Variants in ZNF804B observed in about 807,000 individuals in gnomAD.
ZNF804B encodes zinc finger protein 804B.
ZNF804B carries 80 observed loss-of-function variants against 101.4 expected under a neutral mutation model. The observed-to-expected ratio is 0.79, with a 90% CI of 0.66 to 0.95. The LOEUF (loss-of-function observed/expected upper bound fraction) is 0.95, where lower values mean the gene tolerates loss of function less well. ZNF804B is among the 40% of genes least tolerant of loss of function. The probability of loss-of-function intolerance (pLI) is 0.00; values close to 1 mark genes in which losing one functional copy is unlikely to be tolerated. For missense variants in ZNF804B, 1,673 were observed against 1,561.9 expected, an observed-to-expected ratio of 1.07 and a Z score of -1.20; for synonymous variants, 622 against 558.8, an observed-to-expected ratio of 1.11 and a Z score of -1.59.
At chr7:88,846,259 G>T (rs964536588) in intron 1 of ZNF804B, among the ~76,000 whole-genome samples, 1 of 152,044 alleles carries the variant, frequency 6.6e-6, no homozygotes. Flanking sequence ...AAAACCACCC[G>T]CAGAGTCACT....
chr7:89,130,131 A>G (rs1790526858), intron 1 of ZNF804B, among the ~76,000 whole-genome samples: 1 of 151,912 alleles, frequency 6.6e-6, no homozygotes, highest in Non-Finnish European at 1.5e-5. Context: ...AACAGAAAAG[A>G]CTACTGGAGT....
intron 1 of ZNF804B, among the ~76,000 whole-genome samples, chr7:89,045,149 C>T (rs1789085864): frequency 6.6e-6 from 1 of 152,224 alleles, no homozygotes; most frequent in South Asian, 2.1e-4. Flanking sequence ...AGGGTGCAAG[C>T]CCCAAGCCTT....
chr7:88,786,907 G>A (rs1040641611), intron 1 of ZNF804B, among the ~76,000 whole-genome samples: 12 of 151,984 alleles, frequency 7.9e-5, no homozygotes, highest in African/African-American at 2.9e-4. Context: ...ATGAAAAAAG[G>A]CCATGGCAAT....
intron 1 of ZNF804B, among the ~76,000 whole-genome samples, chr7:89,214,807 G>C (rs1249548267): frequency 6.6e-6 from 1 of 152,116 alleles, no homozygotes; most frequent in African/African-American, 2.4e-5. Flanking sequence ...ACATTTAGAA[G>C]TTGCTAAATA....
chr7:89,196,461 T>C (rs1256215489), intron 1 of ZNF804B, among the ~76,000 whole-genome samples: 2 of 152,088 alleles, frequency 1.3e-5, no homozygotes, highest in Non-Finnish European at 2.9e-5. Context: ...TCCTTACACC[T>C]TATACAAAAA....
intron 1 of ZNF804B, among the ~76,000 whole-genome samples, chr7:88,895,560 A>G (rs773231852): frequency 2.0e-5 from 3 of 152,218 alleles, no homozygotes; most frequent in Non-Finnish European, 2.9e-5. Flanking sequence ...ATCCAGCACC[A>G]AGATCTTGGT....
intron 1 of ZNF804B, among the ~76,000 whole-genome samples, chr7:89,192,436 A>G (rs1024986015): frequency 2.7e-4 from 41 of 152,032 alleles, no homozygotes; most frequent in African/African-American, 8.5e-4. Flanking sequence ...AAGAACTGAT[A>G]TGCACAAAAT....
At chr7:88,858,685 G>A (rs188194323) in intron 1 of ZNF804B, among the ~76,000 whole-genome samples, 161 of 152,166 alleles carry the variant, frequency 1.1e-3, no homozygotes, top group Non-Finnish European at 1.7e-3. Flanking sequence ...AGGCCATAAT[G>A]AATTATATTT....
At chr7:89,066,449 C>A (rs977783449) in intron 1 of ZNF804B, among the ~76,000 whole-genome samples, 1 of 151,872 alleles carries the variant, frequency 6.6e-6, no homozygotes, top group South Asian at 2.1e-4. Flanking sequence ...ATACCTGGAG[C>A]CTGAAAACAA....
At position 89,333,827 on chromosome 7, in the gene ZNF804B, A is replaced by T. The variant is rs761587371; in HGVS notation, c.845A>T (p.Asn282Ile). Residue 282 changes from asparagine (N) to isoleucine (I), a missense_variant, in exon 4 of 4, where the codon AAT becomes ATT. By Grantham distance (149) the Asn-to-Ile change is moderately radical (BLOSUM62 -3). Coordinates refer to ENST00000333190, the MANE Select transcript of ZNF804B (RefSeq NM_181646.5). Reference protein sequence around the residue: ...DTHLTKEKEVNISPSHLESVL... With the variant: ...DTHLTKEKEVIISPSHLESVL... The stretch of plus-strand genomic sequence containing the variant: ...CACCTTACCAAGGAAAAAGAGGTAA[A>T]TATCTCACCAAGCCATCTGGAAAGT... 1 of 1,613,414 alleles carries T rather than the reference A, an allele frequency of 6.2e-7. No individual in the cohort carries two copies. The highest frequency in any genetic ancestry group is 1.7e-5 in the Admixed American group (1 of 59,874).
chr7:88,796,449 A>T (rs1790486517), intron 1 of ZNF804B, among the ~76,000 whole-genome samples: 1 of 152,162 alleles, frequency 6.6e-6, no homozygotes, highest in Non-Finnish European at 1.5e-5. Context: ...CTTTCCGAAG[A>T]TGTAAACCAT....
intron 1 of ZNF804B, among the ~76,000 whole-genome samples, chr7:88,990,563 C>T (rs1009633416): frequency 6.6e-5 from 10 of 152,072 alleles, no homozygotes; most frequent in East Asian, 1.9e-4. Flanking sequence ...GTTCCTCTGA[C>T]GTTAATGTTC....
At chr7:89,041,928 T>C (rs1789022662) in intron 1 of ZNF804B, among the ~76,000 whole-genome samples, 2 of 152,344 alleles carry the variant, frequency 1.3e-5, no homozygotes, top group Non-Finnish European at 2.9e-5. Flanking sequence ...CAAAGTCTTA[T>C]TCTACCATCT....
At chr7:89,327,701 G>A (rs38972) in intron 3 of ZNF804B, among the ~76,000 whole-genome samples, 15,525 of 151,936 alleles carry the variant, frequency 0.1, 843 homozygotes, top group Non-Finnish European at 0.12. Context: ...ATCCCAGAAT[G>A]ATTCAAATAC....
intron 1 of ZNF804B, among the ~76,000 whole-genome samples, chr7:88,958,188 A>T (rs980799717): frequency 2.6e-5 from 4 of 151,412 alleles, no homozygotes; most frequent in Non-Finnish European, 5.9e-5. Flanking sequence ...TTTCCTTAGA[A>T]ATTCAAATGA....
intron 1 of ZNF804B, among the ~76,000 whole-genome samples, chr7:89,147,338 T>G (rs1223898802): frequency 6.6e-6 from 1 of 151,964 alleles, no homozygotes; most frequent in African/African-American, 2.4e-5. Flanking sequence ...TTGTTGGCAA[T>G]TAAAAGGATG....
chr7:88,991,458 C>T (rs184191738), intron 1 of ZNF804B, among the ~76,000 whole-genome samples: 3 of 152,274 alleles, frequency 2.0e-5, no homozygotes, highest in East Asian at 1.9e-4. Context: ...GACTCTGTGA[C>T]GCTCTGGAGG....
chr7:89,050,979 G>C (rs910747756), intron 1 of ZNF804B, among the ~76,000 whole-genome samples: 3 of 136,044 alleles, frequency 2.2e-5, no homozygotes, highest in Admixed American at 1.5e-4. Context: ...TTATGAGTTT[G>C]TTTCTTTTTT....
chr7:89,293,547 G>A (rs1284232639), intron 2 of ZNF804B, among the ~76,000 whole-genome samples: 4 of 152,122 alleles, frequency 2.6e-5, no homozygotes, highest in Non-Finnish European at 5.9e-5. Flanking sequence ...CACTTTGGGA[G>A]GTGTAGGCAG....
Sources: gnomAD v4.1 joint callset for allele counts (sites outside exome capture counted in the v4.1 genomes callset) on GRCh38, gnomAD v4.1.1 for gene constraint, MANE v1.5 for transcripts, NCBI Gene and HGNC (gene_info 2026-07-23, HGNC 2026-07-21) for gene names.